MTNAP1: variants seen among roughly 807,000 people sequenced by gnomAD.
The protein encoded by MTNAP1 is mitochondrial nucleoid associated protein 1.
At chr17:73,236,126 A>G in the MTNAP1 span, 4 of 1,614,164 alleles carry the variant, frequency 2.5e-6, no homozygotes, top group Non-Finnish European at 3.4e-6. Flanking sequence ...CAAAGACAGG[A>G]ACTTCTAGTA....
At chr17:73,247,355 GT>G in the MTNAP1 span, 3 of 1,614,056 alleles carry the variant, frequency 1.9e-6, no homozygotes, top group Non-Finnish European at 2.5e-6. Context: ...GCACGTTTAA[GT>G]AGGAGAAGCC....
the MTNAP1 span, chr17:73,245,646 C>G: frequency 1.0e-6 from 1 of 985,342 alleles, no homozygotes; most frequent in Non-Finnish European, 1.2e-6. Context: ...GGCCCTTCCC[C>G]TTAGTTTCTT....
the MTNAP1 span, chr17:73,232,443 C>G: frequency 3.9e-6 from 4 of 1,031,074 alleles, no homozygotes; most frequent in Non-Finnish European, 5.4e-6. Flanking sequence ...GAGAAAGGAC[C>G]TCCCCTGGGG....
the MTNAP1 span, chr17:73,236,003 T>C: frequency 6.2e-7 from 1 of 1,614,200 alleles, no homozygotes; most frequent in Non-Finnish European, 8.5e-7. Context: ...GCGTCTTTAC[T>C]GGTTGGCTCA....
chr17:73,238,763 G>A, the MTNAP1 span, among the ~76,000 whole-genome samples: 1 of 152,214 alleles, frequency 6.6e-6, no homozygotes, highest in Non-Finnish European at 1.5e-5. Flanking sequence ...AACAGGCACA[G>A]AGAGCATAAG....
chr17:73,243,000 CTGAG>C, the MTNAP1 span: 4 of 1,610,338 alleles, frequency 2.5e-6, no homozygotes, highest in Non-Finnish European at 3.4e-6. Flanking sequence ...TTTCAGACGT[CTGAG>C]TAAGTCTTTC....
At chr17:73,242,914 C>G in the MTNAP1 span, 3 of 1,613,740 alleles carry the variant, frequency 1.9e-6, no homozygotes, top group Admixed American at 5.0e-5. Context: ...AGGTGCAACA[C>G]CACCATAAGG....
chr17:73,235,561 T>C, the MTNAP1 span: 7 of 1,614,086 alleles, frequency 4.3e-6, no homozygotes, highest in Admixed American at 1.2e-4. Flanking sequence ...CCACTTGCCA[T>C]ACTGTAAGAT....
At chr17:73,242,985 T>G in the MTNAP1 span, 2 of 1,613,698 alleles carry the variant, frequency 1.2e-6, no homozygotes, top group Non-Finnish European at 1.7e-6. Context: ...GTGTTGTAGC[T>G]GGAGTTTCAG....
chr17:73,245,129 G>A, the MTNAP1 span: 1 of 1,601,824 alleles, frequency 6.2e-7, no homozygotes, highest in Non-Finnish European at 8.6e-7. Flanking sequence ...ATTGGAAGTG[G>A]CCTCTCGGAT....
the MTNAP1 span, chr17:73,242,777 G>C: frequency 1.4e-6 from 1 of 696,336 alleles, no homozygotes; most frequent in Non-Finnish European, 2.4e-6. Flanking sequence ...AAATATGTGC[G>C]TGTAAATCTC....
chr17:73,236,346 T>TAA, the MTNAP1 span: 1 of 1,613,942 alleles, frequency 6.2e-7, no homozygotes, highest in Non-Finnish European at 8.5e-7. Flanking sequence ...GCTCATTAGG[T>TAA]AAAATCCAAG....
the MTNAP1 span, chr17:73,242,973 CTG>C: frequency 6.2e-7 from 1 of 1,613,866 alleles, no homozygotes; most frequent in Non-Finnish European, 8.5e-7. Context: ...ATACTTCGTC[CTG>C]TGTTGTAGCT....
chr17:73,242,171 C>T, the MTNAP1 span: 2 of 994,308 alleles, frequency 2.0e-6, no homozygotes, highest in South Asian at 3.1e-5. Flanking sequence ...GCCGTGGATC[C>T]TTCGGCACTG....
At chr17:73,241,900 G>C in the MTNAP1 span, among the ~76,000 whole-genome samples, 1 of 152,180 alleles carries the variant, frequency 6.6e-6, no homozygotes, top group Non-Finnish European at 1.5e-5. Context: ...CTGCACTCCA[G>C]CCTGGGCGAG....
At chr17:73,238,967 CAG>C in the MTNAP1 span, among the ~76,000 whole-genome samples, 5,930 of 151,882 alleles carry the variant, frequency 0.039, 308 homozygotes, top group African/African-American at 0.12. Flanking sequence ...TTTTTTGAGA[CAG>C]AGTTTTGCTC....
chr17:73,239,432 C>A, the MTNAP1 span, among the ~76,000 whole-genome samples: 1 of 151,992 alleles, frequency 6.6e-6, no homozygotes, highest in Non-Finnish European at 1.5e-5. Flanking sequence ...ATGCTAGATA[C>A]ATTATGTCAT....
At chr17:73,242,250 T>G in the MTNAP1 span, 1 of 1,580,300 alleles carries the variant, frequency 6.3e-7, no homozygotes, top group Non-Finnish European at 8.6e-7. Context: ...ATAGTTTCTT[T>G]GTTGGAACGA....
At chr17:73,239,197 A>G in the MTNAP1 span, among the ~76,000 whole-genome samples, 2 of 151,884 alleles carry the variant, frequency 1.3e-5, no homozygotes, top group Non-Finnish European at 2.9e-5. Flanking sequence ...CAACCTCCCA[A>G]AGTGCTGGGA....
Sources: allele counts gnomAD v4.1 joint callset (sites outside exome capture counted in the v4.1 genomes callset), GRCh38; gene constraint gnomAD v4.1.1; transcripts MANE v1.5; gene names NCBI Gene and HGNC (gene_info 2026-07-23, HGNC 2026-07-21).